The following PAFAH1B1 variants were observed in gnomAD, a reference collection of about 807,000 sequenced individuals.
The protein encoded by PAFAH1B1 is platelet-activating factor acetylhydrolase IB subunit beta.
In PAFAH1B1, 2 loss-of-function variants were observed where a neutral mutation model predicts 57.5. The observed-to-expected ratio is 0.03, with a 90% CI of 0.01 to 0.11. The LOEUF (loss-of-function observed/expected upper bound fraction) is 0.11. Ranked by LOEUF, PAFAH1B1 falls within the 10% of genes least tolerant of loss-of-function variation. PAFAH1B1 has a pLI of 1.00. For missense variants in PAFAH1B1, 257 were observed against 512.0 expected (o/e 0.50, Z 4.81); for synonymous variants, 152 against 169.6 (o/e 0.90, Z 0.81).
intron 1 of PAFAH1B1, among the ~76,000 whole-genome samples, chr17:2,601,297 G>T (rs948243008): frequency 2.0e-5 from 3 of 151,852 alleles, no homozygotes; most frequent in Non-Finnish European, 4.4e-5. Context: ...ACCCTGCCCA[G>T]TGAAGTTTTT....
chr17:2,595,589 T>C (rs1328957410), intron 1 of PAFAH1B1, among the ~76,000 whole-genome samples: 1 of 152,164 alleles, frequency 6.6e-6, no homozygotes, highest in Non-Finnish European at 1.5e-5. Flanking sequence ...GCTTTTAATC[T>C]CTAATGGGTG....
At position 2,638,262 on chromosome 17, in the gene PAFAH1B1, T is replaced by C. The variant is rs989350104; in HGVS notation, c.-27T>C. The stretch of plus-strand genomic sequence containing the variant: ...CCCAAAGGAGGGACATACCACTATA[T>C]CAGATAAGCTTGACATTACAGCCAA... On this transcript the variant is annotated 5_prime_UTR_variant, in exon 2 of 11. Transcript: ENST00000397195. 1 of 1,603,590 alleles carries C rather than the reference T, an allele frequency of 6.2e-7. No individual in the cohort carries two copies. Among genetic ancestry groups the C allele is most frequent in the Admixed American group, 1.7e-5 (1 of 59,970 alleles).
At chr17:2,642,403 T>C (rs1047498593) in intron 2 of PAFAH1B1, 3 of 152,180 alleles carry the variant, frequency 2.0e-5, no homozygotes, top group Admixed American at 1.3e-4. Context: ...TCATTAGAAC[T>C]TGGGGATAAG....
chr17:2,664,714 C>A (rs563029783), intron 2 of PAFAH1B1, among the ~76,000 whole-genome samples: 52 of 148,748 alleles, frequency 3.5e-4, no homozygotes, highest in African/African-American at 1.2e-3. Flanking sequence ...ATCTATAAAG[C>A]CCAAAACATT....
intron 2 of PAFAH1B1, among the ~76,000 whole-genome samples, chr17:2,664,665 G>GCTCGCTCGCTCT (rs1555526142): frequency 1.5e-4 from 13 of 86,026 alleles, no homozygotes; most frequent in African/African-American, 4.7e-4. Flanking sequence ...TCTATCTATC[G>GCTCGCTCGCTCT]CTCTCTCTCT....
At chr17:2,665,004 C>A (rs901668610) in intron 2 of PAFAH1B1, among the ~76,000 whole-genome samples, 1 of 151,910 alleles carries the variant, frequency 6.6e-6, no homozygotes, top group African/African-American at 2.4e-5. Context: ...TAAAGAAAGA[C>A]TAAATGTAAA....
At chr17:2,593,263 G>GGCCCGCCACACACGGT (rs2151603168), upstream of PAFAH1B1, 1 of 151,506 alleles carries the variant, frequency 6.6e-6, no homozygotes, top group Admixed American at 6.6e-5. Flanking sequence ...CGCCTCCCGG[G>GGCCCGCCACACACGGT]GCCCGCCACA....
chr17:2,628,708 C>G (rs548511935), intron 1 of PAFAH1B1, among the ~76,000 whole-genome samples: 1 of 152,062 alleles, frequency 6.6e-6, no homozygotes, highest in Non-Finnish European at 1.5e-5. Flanking sequence ...GCTGTGAATC[C>G]GTCTGGTCCT....
intron 3 of PAFAH1B1, among the ~76,000 whole-genome samples, chr17:2,665,663 G>A (rs1202284115): frequency 2.0e-5 from 3 of 151,850 alleles, no homozygotes; most frequent in Admixed American, 6.6e-5. Context: ...GTGCAGTGGC[G>A]TGATCTCGGC....
At chr17:2,649,784 A>T (rs1294464435) in intron 2 of PAFAH1B1, among the ~76,000 whole-genome samples, 2 of 152,202 alleles carry the variant, frequency 1.3e-5, no homozygotes, top group Non-Finnish European at 2.9e-5. Context: ...AAATAAATAA[A>T]ATATTTTAAA....
chr17:2,680,807 C>T (rs1019575614), intron 10 of PAFAH1B1: 3 of 206,952 alleles, frequency 1.4e-5, no homozygotes, highest in Non-Finnish European at 2.0e-5. Context: ...GTATAATGGA[C>T]CAAAGCCTGC....
chr17:2,676,392 A>AG, intron 8 of PAFAH1B1, 113 bp from the exon 9 acceptor site: 1 of 753,606 alleles, frequency 1.3e-6, no homozygotes, highest in Non-Finnish European at 2.3e-6. Context: ...CAAACAAAAA[A>AG]CCAAAATGCA....
chr17:2,623,518 A>C (rs990256205), intron 1 of PAFAH1B1, among the ~76,000 whole-genome samples: 3 of 151,814 alleles, frequency 2.0e-5, no homozygotes, highest in African/African-American at 7.3e-5. Context: ...TTGGCCTCCC[A>C]AAGTCCTGGG....
At chr17:2,658,176 A>G (rs769253684) in intron 2 of PAFAH1B1, among the ~76,000 whole-genome samples, 64 of 152,240 alleles carry the variant, frequency 4.2e-4, no homozygotes, top group Non-Finnish European at 8.1e-4. Flanking sequence ...AGTCAATAAT[A>G]TAGTAACTTT....
At chr17:2,644,528 A>G (rs1044133639) in intron 2 of PAFAH1B1, among the ~76,000 whole-genome samples, 1 of 151,842 alleles carries the variant, frequency 6.6e-6, no homozygotes, top group Non-Finnish European at 1.5e-5. Context: ...GGGCAACAAG[A>G]GTGAGACTCC....
intron 2 of PAFAH1B1, among the ~76,000 whole-genome samples, chr17:2,644,886 TAAAGTG>T (rs1296929163): frequency 1.3e-5 from 2 of 152,112 alleles, no homozygotes; most frequent in Non-Finnish European, 2.9e-5. Context: ...TGAATAAAAA[TAAAGTG>T]AAAGAGGAGA....
chr17:2,615,021 A>G (rs1448745542), intron 1 of PAFAH1B1, among the ~76,000 whole-genome samples: 1 of 145,862 alleles, frequency 6.9e-6, no homozygotes, highest in Non-Finnish European at 1.5e-5. Context: ...TGGGTTTTGT[A>G]CTGTGGATTC....
chr17:2,665,935 T>C, intron 3 of PAFAH1B1, 81 bp from the exon 4 acceptor site: 1 of 1,284,798 alleles, frequency 7.8e-7, no homozygotes, highest in Non-Finnish European at 1.1e-6. Flanking sequence ...TTAGTAATAT[T>C]TGGACTTAAA....
chr17:2,666,118 A>T (rs112019397), intron 4 of PAFAH1B1, 28 bp downstream of exon 4: 1 of 1,397,146 alleles, frequency 7.2e-7, no homozygotes, highest in South Asian at 1.3e-5. Flanking sequence ...CTTTAAAATT[A>T]GTTGTATTCA....
Sources: allele counts gnomAD v4.1 joint callset (sites outside exome capture counted in the v4.1 genomes callset), GRCh38; gene constraint gnomAD v4.1.1; transcripts MANE v1.5; gene names NCBI Gene and HGNC (gene_info 2026-07-23, HGNC 2026-07-21).